Variants in SMYD2 observed in about 807,000 individuals in gnomAD.
SMYD2 encodes N-lysine methyltransferase SMYD2.
SMYD2 carries 53 observed loss-of-function variants against 59.1 expected under a neutral mutation model. The observed-to-expected ratio is 0.90, with a 90% CI of 0.72 to 1.13. The LOEUF (loss-of-function observed/expected upper bound fraction) is 1.13. Ranked by LOEUF, SMYD2 falls within the 50% of genes most tolerant of loss-of-function variation. The pLI is 0.00. For missense variants in SMYD2, 494 were observed against 544.7 expected (o/e 0.91, Z 0.93); for synonymous variants, 208 against 198.8 (o/e 1.05, Z -0.39).
chr1:214,284,254 GTTT>G (rs34049644), intron 1 of SMYD2, among the ~76,000 whole-genome samples: 6 of 90,364 alleles, frequency 6.6e-5, no homozygotes, highest in African/African-American at 1.3e-4. Flanking sequence ...TTTTGGTGTG[GTTT>G]TTTTTTTTTT....
In SMYD2 at chr1:214,336,870, C is replaced by A; in HGVS notation, c.*86C>A. 8.8e-7 allele frequency: 1 copy of A among 1,142,138 alleles called. No homozygotes were observed. Among genetic ancestry groups the A allele is most frequent in the Non-Finnish European group, 1.3e-6 (1 of 797,720 alleles). 70.8% of individuals were successfully genotyped at this position (1,142,138 alleles called of 1,614,324 possible). ...ATATTTCAAATTGCACACGTCACTC[C>A]AGCATCTCTGTAAAATAATTGGAAT... On this transcript the variant is annotated 3_prime_UTR_variant, in exon 12 of 12. Transcript: ENST00000366957.
chr1:214,316,738 C>T (rs113621958), intron 3 of SMYD2, among the ~76,000 whole-genome samples: 2 of 152,120 alleles, frequency 1.3e-5, no homozygotes, highest in African/African-American at 2.4e-5. Context: ...AATGCTACCT[C>T]GCCAGCCAGC....
intron 11 of SMYD2, 139 bp downstream of exon 11, chr1:214,334,447 C>CG: frequency 1.3e-6 from 1 of 753,276 alleles, no homozygotes; most frequent in Non-Finnish European, 2.2e-6. Flanking sequence ...GTGGGAGCAG[C>CG]GGGGGTGGGT....
chr1:214,286,460 C>T (rs918876723), intron 1 of SMYD2, among the ~76,000 whole-genome samples: 1 of 151,854 alleles, frequency 6.6e-6, no homozygotes, highest in African/African-American at 2.4e-5. Flanking sequence ...AAGTGAGACC[C>T]TGTCTCTTAA....
chr1:214,286,218 G>A (rs1000697105), intron 1 of SMYD2, among the ~76,000 whole-genome samples: 2 of 152,124 alleles, frequency 1.3e-5, no homozygotes, highest in African/African-American at 4.8e-5. Flanking sequence ...GTTAATCCCA[G>A]GACTTGGTAG....
At position 214,305,226 on chromosome 1, in the gene SMYD2, A is replaced by G. The variant is rs1656897655; in HGVS notation, c.213A>G (p.Ala71=). 1 of 1,614,220 alleles carries G rather than the reference A, an allele frequency of 6.2e-7. No individual in the cohort carries two copies. Among genetic ancestry groups the G allele is most frequent in the Non-Finnish European group, 8.5e-7 (1 of 1,180,038 alleles). The change falls in exon 2 of 12, where the codon GCA becomes GCG. Residue 71 remains alanine (A), a synonymous_variant. Transcript: ENST00000366957. ...CCAAATGTGGAAGATGCAAGCAGGC[A>G]TTTTACTGCAATGTGGAGTGTCAGG... is the stretch of plus-strand genomic sequence containing the variant. ...GLSKCGRCKQ[A]FYCNVECQKE...
chr1:214,334,291 G>T lies in SMYD2; in HGVS notation c.1204G>T (p.Glu402Ter). The change falls in exon 11 of 12, where the codon GAG (glutamate) becomes TAG (stop). Residue 402 changes from glutamate (E) to a stop codon, truncating the protein, a stop_gained. Coordinates refer to ENST00000366957, the MANE Select transcript of SMYD2 (RefSeq NM_020197.3). LOFTEE classifies it high-confidence loss of function. Reference protein sequence around the residue: ...YMGLEHKAAGEKALKKAIAIM... With the variant: ...YMGLEHKAAG ...GGGCCTGGAACACAAAGCCGCAGGG[G>T]AGAAAGCCCTGAAGAAGGTATGTCT... The T allele has an allele frequency of 6.2e-7, 1 of 1,613,646 alleles. No individual in the cohort carries two copies. Among genetic ancestry groups the T allele is most frequent in the Non-Finnish European group, 8.5e-7 (1 of 1,180,028 alleles).
At chr1:214,286,191 G>A (rs780534718) in intron 1 of SMYD2, among the ~76,000 whole-genome samples, 20 of 152,268 alleles carry the variant, frequency 1.3e-4, no homozygotes, top group Non-Finnish European at 1.8e-4. Context: ...TAAAATGTGC[G>A]TACTAATGCC....
At chr1:214,287,782 T>TTAGGCA (rs1656575411) in intron 1 of SMYD2, among the ~76,000 whole-genome samples, 2 of 152,148 alleles carry the variant, frequency 1.3e-5, no homozygotes, top group South Asian at 4.1e-4. Flanking sequence ...CTCCAAAGTC[T>TTAGGCA]TAGGCACTTT....
At chr1:214,311,986 T>C (rs1657005292) in intron 2 of SMYD2, among the ~76,000 whole-genome samples, 2 of 152,194 alleles carry the variant, frequency 1.3e-5, no homozygotes, top group African/African-American at 4.8e-5. Flanking sequence ...TTTTCCTCTT[T>C]GCTCTGCAGC....
At chr1:214,332,373 T>C (rs6419474) in intron 10 of SMYD2, 181 bp downstream of exon 10, 591,598 of 638,206 alleles carry the variant, frequency 0.93, 274,621 homozygotes, top group East Asian at 1. Flanking sequence ...GTTCTCACCA[T>C]CATCCCAAGG....
intron 8 of SMYD2, 41 bp from the exon 9 acceptor site, chr1:214,330,905 TTTCC>T: frequency 6.2e-7 from 1 of 1,612,558 alleles, no homozygotes. Context: ...ATCAGTGTGG[TTTCC>T]ATGGGCGGTA....
rs752635538 is a variant in SMYD2 at position 214,332,096 on chromosome 1, T to C, written c.1016T>C (p.Met339Thr). 2.5e-6 allele frequency: 4 copies of C among 1,614,026 alleles called. No homozygotes were observed. The highest frequency in any genetic ancestry group is 1.6e-4 in the Middle Eastern group (1 of 6,082). Residue 339 changes from methionine to threonine, a missense_variant, in exon 10 of 12, where the codon ATG becomes ACG. Coordinates refer to ENST00000366957, the MANE Select transcript of SMYD2 (RefSeq NM_020197.3). ...GTGTTTGAGGACAGTAACGTGTACATGTTGCACATGATGTACCAGGCCATG... is the reference window on the plus strand; with the variant it reads ...GTGTTTGAGGACAGTAACGTGTACACGTTGCACATGATGTACCAGGCCATG... Reference protein sequence around the residue: ...SSVFEDSNVYMLHMMYQAMGV... With the variant: ...SSVFEDSNVYTLHMMYQAMGV...
intron 1 of SMYD2, among the ~76,000 whole-genome samples, chr1:214,293,516 G>A (rs185312141): frequency 2.6e-5 from 4 of 152,292 alleles, no homozygotes; most frequent in Admixed American, 1.3e-4. Flanking sequence ...AAGACAACAT[G>A]CTCAGTAAGT....
At position 214,318,113 on chromosome 1, in the gene SMYD2, T is replaced by G; in HGVS notation, c.383T>G (p.Leu128Trp). ...IHPERTPSEK[L>W]LAVKEFESHL... is the part of the protein sequence containing the mutation. ...CCAGAGAGAACACCTTCGGAAAAAT[T>G]GTTAGCTGTGAAGGAGTTTGAATCA... Residue 128 changes from leucine to tryptophan, a missense_variant, in exon 4 of 12, where the codon TTG becomes TGG. Coordinates refer to ENST00000366957, the MANE Select transcript of SMYD2 (RefSeq NM_020197.3). The surrounding 1 kb of genome is among the most constrained non-coding windows in gnomAD (Gnocchi z 5.4). 1 of 1,613,920 alleles carries G rather than the reference T, an allele frequency of 6.2e-7. No individual in the cohort carries two copies. The highest frequency in any genetic ancestry group is 8.5e-7 in the Non-Finnish European group (1 of 1,179,996).
intron 3 of SMYD2, among the ~76,000 whole-genome samples, chr1:214,316,298 C>A (rs1657084153): frequency 6.6e-6 from 1 of 152,024 alleles, no homozygotes; most frequent in Non-Finnish European, 1.5e-5. Context: ...AAGTGAGACC[C>A]ATTCTCTATA....
At position 214,320,584 on chromosome 1, in the gene SMYD2, C is replaced by T. The variant is rs1319207795; in HGVS notation, c.534+1601C>T. On this transcript the variant is annotated intron_variant, in intron 5 of 11. Coordinates refer to ENST00000366957, the MANE Select transcript of SMYD2 (RefSeq NM_020197.3). Reference sequence around the variant, plus strand: ...GAGGCTGCAGTAAGCTGTGATCAAACCACTGCACTTCAGCCTAGGCAACAG... The same window carrying T: ...GAGGCTGCAGTAAGCTGTGATCAAATCACTGCACTTCAGCCTAGGCAACAG... Among the ~76,000 whole-genome samples the T allele has an allele frequency of 2.6e-5, 4 of 152,276 alleles. No individual in the cohort carries two copies. In the East Asian group the frequency reaches 5.8e-4, roughly 22 times the overall value.
chr1:214,327,567 C>G, intron 6 of SMYD2, 55 bp from the exon 7 acceptor site: 1 of 1,428,792 alleles, frequency 7.0e-7, no homozygotes, highest in Non-Finnish European at 9.9e-7. Context: ...GTGAAGGAAG[C>G]TAAACAGTCT....
intron 10 of SMYD2, chr1:214,332,849 G>A (rs1311529307): frequency 6.6e-6 from 1 of 152,158 alleles, no homozygotes; most frequent in African/African-American, 2.4e-5. Flanking sequence ...GGCCTAGATG[G>A]GATCACTGGA....
Sources: gnomAD v4.1 joint callset for allele counts (sites outside exome capture counted in the v4.1 genomes callset) on GRCh38, gnomAD v4.1.1 for gene constraint, Gnocchi (gnomAD v3.1) non-coding constraint, MANE v1.5 for transcripts, NCBI Gene and HGNC (gene_info 2026-07-23, HGNC 2026-07-21) for gene names.